The following SLC39A8 variants were observed in gnomAD, a reference collection of about 807,000 sequenced individuals.
The protein encoded by SLC39A8 is metal cation symporter ZIP8.
In SLC39A8, 15 loss-of-function variants were observed where a neutral mutation model predicts 40.4. The observed-to-expected ratio is 0.37, with a 90% CI of 0.25 to 0.57. The LOEUF (loss-of-function observed/expected upper bound fraction) is 0.57, where lower values mean the gene tolerates loss of function less well. Among genes scored for constraint, SLC39A8 ranks in the 20% least tolerant of loss-of-function variants. SLC39A8 has a pLI of 0.75. For missense variants in SLC39A8, 472 were observed against 558.8 expected (o/e 0.84, Z 1.57); for synonymous variants, 223 against 221.6 (o/e 1.01, Z -0.06).
intron 2 of SLC39A8, 132 bp from the exon 3 acceptor site, chr4:102,315,962 T>C (rs865862920): frequency 3.7e-5 from 25 of 667,810 alleles, no homozygotes; most frequent in Non-Finnish European, 4.8e-5. Context: ...ACCACAGAAA[T>C]TGAAAGGCCC....
intron 2 of SLC39A8, among the ~76,000 whole-genome samples, chr4:102,331,417 T>C (rs1015621338): frequency 6.6e-6 from 1 of 152,128 alleles, no homozygotes; most frequent in Non-Finnish European, 1.5e-5. Context: ...CCATTCACAA[T>C]TGCTACAAAG....
At chr4:102,309,142 C>T (rs1734315701) in intron 3 of SLC39A8, among the ~76,000 whole-genome samples, 1 of 152,006 alleles carries the variant, frequency 6.6e-6, no homozygotes, top group African/African-American at 2.4e-5. Flanking sequence ...TCTAGAATTT[C>T]TATGTACAAA....
chr4:102,275,425 G>A (rs1208811948), intron 6 of SLC39A8, among the ~76,000 whole-genome samples: 1 of 152,052 alleles, frequency 6.6e-6, no homozygotes, highest in Non-Finnish European at 1.5e-5. Flanking sequence ...GCAGCAAGAA[G>A]AGCTAACTAT....
intron 6 of SLC39A8, among the ~76,000 whole-genome samples, chr4:102,285,310 C>T (rs1004633117): frequency 6.6e-6 from 1 of 151,952 alleles, no homozygotes; most frequent in African/African-American, 2.4e-5. Context: ...AGAATGTCAC[C>T]ACTTAATTTA....
chr4:102,295,168 T>C (rs1013591624), intron 6 of SLC39A8, among the ~76,000 whole-genome samples: 83 of 147,902 alleles, frequency 5.6e-4, no homozygotes, highest in African/African-American at 1.9e-3. Context: ...TGTATATATG[T>C]AAATATATAT....
At chr4:102,255,374 G>A (rs573227816) in intron 11 of SLC39A8, among the ~76,000 whole-genome samples, 1 of 152,240 alleles carries the variant, frequency 6.6e-6, no homozygotes, top group South Asian at 2.1e-4. Flanking sequence ...AAGTACTAAG[G>A]ATGTCAGGAA....
chr4:102,334,071 G>C lies in SLC39A8; in HGVS notation c.219+10373C>G, dbSNP rs546932660. Among the ~76,000 whole-genome samples, 28 of 152,304 alleles carry C rather than the reference G, an allele frequency of 1.8e-4. 1 individual carries two copies. The highest frequency in any genetic ancestry group is 2.1e-4 in the South Asian group (1 of 4,832). Reference sequence around the variant, plus strand: ...GTGACTTGGTATAAATTTCAGGGAAGTGGTGGGGACAGAAAAAAGCCAGAA... The same window carrying C: ...GTGACTTGGTATAAATTTCAGGGAACTGGTGGGGACAGAAAAAAGCCAGAA... On this transcript the variant is annotated intron_variant, in intron 2 of 8. Transcript: ENST00000356736.
At chr4:102,285,279 G>C (rs1210434268) in intron 6 of SLC39A8, among the ~76,000 whole-genome samples, 1 of 152,020 alleles carries the variant, frequency 6.6e-6, no homozygotes, top group Non-Finnish European at 1.5e-5. Flanking sequence ...AATTAGCATG[G>C]AGAGCAAAGT....
exon 12 of SLC39A8, chr4:102,252,486 A>G (rs1316445597): frequency 6.6e-6 from 1 of 152,342 alleles, no homozygotes; most frequent in Non-Finnish European, 1.5e-5. Context: ...TTAGATTGCA[A>G]AAAGGAACAC....
chr4:102,344,572 C>T lies in SLC39A8; in HGVS notation c.91G>A (p.Glu31Lys). ...GCGCCGAACACGCTCAGCACATCCT[C>T]GCTGAAGGCTAGCCCTGGCCCCTCC... Reference protein sequence around the residue: ...VAEGPGLAFSEDVLSVFGANL... With the variant: ...VAEGPGLAFSKDVLSVFGANL... The change falls in exon 2 of 9, where the codon GAG (glutamate) becomes AAG (lysine). Residue 31 changes from glutamate to lysine, a missense_variant. This residue lies in a region of SLC39A8 where 175 missense variants were observed against 160.5 expected (regional missense o/e 1.09). Coordinates refer to ENST00000356736, the MANE Select transcript of SLC39A8 (RefSeq NM_001135146.2). The T allele has an allele frequency of 6.4e-7, 1 of 1,551,156 alleles. No homozygotes were observed. Among genetic ancestry groups the T allele is most frequent in the East Asian group, 2.4e-5 (1 of 40,930 alleles).
chr4:102,341,635 G>A (rs1278689048), intron 2 of SLC39A8, among the ~76,000 whole-genome samples: 1 of 152,192 alleles, frequency 6.6e-6, no homozygotes. Context: ...CGCACTGTCA[G>A]TAGCTATAAG....
downstream of SLC39A8, among the ~76,000 whole-genome samples, chr4:102,258,106 T>TG (rs1383637811): frequency 2.0e-5 from 3 of 150,576 alleles, no homozygotes; most frequent in African/African-American, 7.5e-5. Context: ...TGTTTTTTGT[T>TG]TTTTGTTTTT....
intron 6 of SLC39A8, among the ~76,000 whole-genome samples, chr4:102,279,149 A>T (rs76470265): frequency 8.4e-6 from 1 of 118,738 alleles, no homozygotes; most frequent in East Asian, 2.1e-4. Context: ...GTATAATAAT[A>T]AAAAAAAAAA....
At chr4:102,341,299 A>G (rs1735929594) in intron 2 of SLC39A8, among the ~76,000 whole-genome samples, 1 of 152,230 alleles carries the variant, frequency 6.6e-6, no homozygotes, top group Non-Finnish European at 1.5e-5. Flanking sequence ...TTTAGAAAAT[A>G]GGATCTTCCT....
Position 102,305,048 on chromosome 4 carries a change from A to T in SLC39A8, c.616T>A (p.Phe206Ile), listed in dbSNP as rs755264981. The change falls in exon 5 of 9, where the codon TTT becomes ATT. Residue 206 changes from phenylalanine (F) to isoleucine (I), a missense_variant. Transcript: ENST00000356736. Reference sequence around the variant, plus strand: ...CTTTCAAAAAAGAAAAGTAGGTAAAATCCACCAAACACAGCAACTGCCTTC... The same window carrying T: ...CTTTCAAAAAAGAAAAGTAGGTAAATTCCACCAAACACAGCAACTGCCTTC... ...VEKAVAVFGG[F>I]YLLFFFERML... 6.8e-6 allele frequency: 11 copies of T among 1,610,826 alleles called. No individual in the cohort carries two copies. The East Asian group carries it at 2.5e-4, about 36-fold the overall frequency.
chr4:102,274,786 T>C (rs897813416), intron 6 of SLC39A8, among the ~76,000 whole-genome samples: 2 of 152,156 alleles, frequency 1.3e-5, no homozygotes, highest in African/African-American at 2.4e-5. Context: ...GAAGAGAGTA[T>C]GGGCCAATAT....
chr4:102,256,635 C>G (rs1258327573), intron 11 of SLC39A8, among the ~76,000 whole-genome samples: 1 of 152,162 alleles, frequency 6.6e-6, no homozygotes, highest in East Asian at 1.9e-4. Flanking sequence ...AATGGCTTAT[C>G]ATCTTTCATC....
intron 2 of SLC39A8, among the ~76,000 whole-genome samples, chr4:102,340,546 G>A (rs1299245513): frequency 6.6e-6 from 1 of 152,114 alleles, no homozygotes; most frequent in Non-Finnish European, 1.5e-5. Context: ...CAAAGGATAC[G>A]GTTTAAGAAA....
intron 2 of SLC39A8, among the ~76,000 whole-genome samples, chr4:102,326,271 G>C (rs1735195351): frequency 6.6e-6 from 1 of 152,202 alleles, no homozygotes; most frequent in South Asian, 2.1e-4. Flanking sequence ...CAAGAAATGA[G>C]TGCACCTTGG....
Sources: allele counts gnomAD v4.1 joint callset (sites outside exome capture counted in the v4.1 genomes callset), GRCh38; gene constraint gnomAD v4.1.1; regional missense constraint gnomAD v4.1.1; transcripts MANE v1.5; gene names NCBI Gene and HGNC (gene_info 2026-07-23, HGNC 2026-07-21).